The following PDE7B variants were observed in gnomAD, a reference collection of about 807,000 sequenced individuals.
PDE7B encodes phosphodiesterase 7B.
Under a neutral mutation model 56.2 loss-of-function variants are expected in PDE7B, and 29 were observed. That is an observed-to-expected ratio of 0.52 (90% CI 0.38 to 0.70). PDE7B has a LOEUF of 0.70. Ranked by LOEUF, PDE7B falls within the 30% of genes least tolerant of loss-of-function variation. The pLI is 0.00. For missense variants in PDE7B, 490 were observed against 565.0 expected, an observed-to-expected ratio of 0.87 and a Z score of 1.35; for synonymous variants, 197 against 196.9, an observed-to-expected ratio of 1.00 and a Z score of 0.00.
intron 2 of PDE7B, among the ~76,000 whole-genome samples, chr6:136,100,742 T>C (rs926129004): frequency 6.6e-6 from 1 of 152,222 alleles, no homozygotes; most frequent in Non-Finnish European, 1.5e-5. Context: ...CCTCTTTTCC[T>C]AATAGAATAC....
At chr6:135,867,215 T>A (rs1775278049) in intron 1 of PDE7B, among the ~76,000 whole-genome samples, 1 of 152,180 alleles carries the variant, frequency 6.6e-6, no homozygotes, top group South Asian at 2.1e-4. Context: ...TGCTATAACT[T>A]TTTCAATAGG....
intron 8 of PDE7B, among the ~76,000 whole-genome samples, chr6:136,172,950 C>T (rs1454593817): frequency 5.5e-4 from 84 of 151,774 alleles, no homozygotes; most frequent in South Asian, 2.3e-3. Flanking sequence ...TTACAAGGGA[C>T]GTGAAGGACC....
intron 1 of PDE7B, among the ~76,000 whole-genome samples, chr6:135,906,337 G>T (rs1038603083): frequency 4.6e-5 from 7 of 152,102 alleles, no homozygotes; most frequent in Non-Finnish European, 7.4e-5. Flanking sequence ...ATCTTTACCC[G>T]TTGAACTACT....
chr6:135,926,838 T>C (rs182950274), intron 1 of PDE7B, among the ~76,000 whole-genome samples: 2 of 152,160 alleles, frequency 1.3e-5, no homozygotes, highest in African/African-American at 2.4e-5. Flanking sequence ...ATAAACCTAC[T>C]GAACAAAGAA....
At chr6:136,044,505 C>G (rs1776468232) in intron 2 of PDE7B, 2 of 152,004 alleles carry the variant, frequency 1.3e-5, no homozygotes, top group African/African-American at 4.8e-5. Context: ...TAAACATATT[C>G]CAGCAGAAGA....
intron 2 of PDE7B, among the ~76,000 whole-genome samples, chr6:135,969,015 AC>A (rs1775048094): frequency 6.6e-6 from 1 of 152,126 alleles, no homozygotes; most frequent in Non-Finnish European, 1.5e-5. Context: ...GAGCCATTAT[AC>A]CCAGCAAACT....
intron 1 of PDE7B, among the ~76,000 whole-genome samples, chr6:135,899,246 GACTAATA>G (rs1775955777): frequency 6.6e-6 from 1 of 152,024 alleles, no homozygotes; most frequent in Non-Finnish European, 1.5e-5. Context: ...CATGAGAACA[GACTAATA>G]CATCATGTCA....
intron 2 of PDE7B, among the ~76,000 whole-genome samples, chr6:135,974,673 G>A (rs532750748): frequency 1.3e-5 from 2 of 152,304 alleles, no homozygotes; most frequent in East Asian, 3.9e-4. Context: ...TTACACCCCA[G>A]AAGGTATATT....
At chr6:136,010,550 C>G (rs1432523998) in intron 2 of PDE7B, among the ~76,000 whole-genome samples, 1 of 151,994 alleles carries the variant, frequency 6.6e-6, no homozygotes, top group Non-Finnish European at 1.5e-5. Flanking sequence ...GGATTACAAG[C>G]ACATGCAACA....
At chr6:135,935,218 T>TTTTATATATATATATATA (rs1774401563) in intron 1 of PDE7B, among the ~76,000 whole-genome samples, 3 of 34,732 alleles carry the variant, frequency 8.6e-5, no homozygotes, top group Admixed American at 3.4e-4. Flanking sequence ...ATATATATAT[T>TTTTATATATATATATATA]TTCATGATTC....
At chr6:135,906,064 T>C (rs919977037) in intron 1 of PDE7B, among the ~76,000 whole-genome samples, 8 of 152,150 alleles carry the variant, frequency 5.3e-5, no homozygotes, top group Non-Finnish European at 1.2e-4. Context: ...CAACCTTCTC[T>C]TTCTGGTTGC....
At chr6:136,078,492 G>T (rs907188245) in intron 2 of PDE7B, among the ~76,000 whole-genome samples, 1 of 151,604 alleles carries the variant, frequency 6.6e-6, no homozygotes, top group Non-Finnish European at 1.5e-5. Context: ...CCATGTTAAA[G>T]TAGACTTCAA....
chr6:136,046,766 T>G (rs1373014502), intron 2 of PDE7B, among the ~76,000 whole-genome samples: 1 of 152,144 alleles, frequency 6.6e-6, no homozygotes, highest in Non-Finnish European at 1.5e-5. Flanking sequence ...CTTAATATAT[T>G]AAAGGGATCT....
intron 2 of PDE7B, among the ~76,000 whole-genome samples, chr6:136,029,605 T>C (rs1388101025): frequency 2.6e-5 from 4 of 152,002 alleles, no homozygotes; most frequent in Non-Finnish European, 5.9e-5. Flanking sequence ...AATAAGCAAA[T>C]AGAGCAGGAT....
At chr6:136,173,323 G>A (rs1175797398) in intron 8 of PDE7B, among the ~76,000 whole-genome samples, 1 of 152,074 alleles carries the variant, frequency 6.6e-6, no homozygotes, top group African/African-American at 2.4e-5. Context: ...CAATGGAACA[G>A]AACAGAGCCC....
chr6:136,156,914 TA>T (rs1361533652), intron 8 of PDE7B, among the ~76,000 whole-genome samples: 1 of 152,198 alleles, frequency 6.6e-6, no homozygotes, highest in Non-Finnish European at 1.5e-5. Flanking sequence ...AAATTTCTTT[TA>T]AAAAGTTCAG....
chr6:136,156,014 C>T (rs1453018494), intron 8 of PDE7B: 1 of 573,042 alleles, frequency 1.7e-6, no homozygotes, highest in South Asian at 1.7e-5. Flanking sequence ...TTTTTAAAAT[C>T]TCTAAAGAGT....
intron 2 of PDE7B, among the ~76,000 whole-genome samples, chr6:136,081,216 G>C (rs1030099468): frequency 6.6e-6 from 1 of 152,054 alleles, no homozygotes. Context: ...TTTGGGAGAT[G>C]GACTGAAAGT....
At chr6:135,860,029 T>C (rs1291320480) in intron 1 of PDE7B, among the ~76,000 whole-genome samples, 1 of 152,078 alleles carries the variant, frequency 6.6e-6, no homozygotes. Flanking sequence ...TGGCAAGTTA[T>C]TTAACATTTT....
Sources: allele counts gnomAD v4.1 joint callset (sites outside exome capture counted in the v4.1 genomes callset), GRCh38; gene constraint gnomAD v4.1.1; transcripts MANE v1.5; gene names NCBI Gene and HGNC (gene_info 2026-07-23, HGNC 2026-07-21).